CERS6: variants seen among roughly 807,000 people sequenced by gnomAD.
CERS6 encodes the protein LAG1 homolog, ceramide synthase 6.
In CERS6, 26 loss-of-function variants were observed where a neutral mutation model predicts 56.8. That is an observed-to-expected ratio of 0.46 (90% CI 0.34 to 0.63). CERS6 has a LOEUF of 0.63. Among genes scored for constraint, CERS6 ranks in the 30% least tolerant of loss-of-function variants. The pLI, the probability that CERS6 is intolerant of heterozygous loss-of-function variation, is 0.01. For missense variants in CERS6, 415 were observed against 467.5 expected (o/e 0.89, Z 1.04); for synonymous variants, 164 against 173.3 (o/e 0.95, Z 0.42).
intron 8 of CERS6, among the ~76,000 whole-genome samples, chr2:168,750,888 G>C (rs550505924): frequency 6.6e-6 from 1 of 152,284 alleles, no homozygotes; most frequent in African/African-American, 2.4e-5. Flanking sequence ...TAAGTTCTTT[G>C]AGGTTCACTA....
intron 8 of CERS6, among the ~76,000 whole-genome samples, chr2:168,763,866 G>A (rs897821959): frequency 6.6e-6 from 1 of 152,156 alleles, no homozygotes; most frequent in Non-Finnish European, 1.5e-5. Context: ...CAGAGAGTAA[G>A]AATGATTCCA....
rs781591758 is a variant in CERS6 at position 168,715,064 on chromosome 2, A to G, written c.673A>G (p.Asn225Asp). The G allele has an allele frequency of 2.5e-6, 4 of 1,612,548 alleles. No homozygotes were observed. Among genetic ancestry groups the G allele is most frequent in the Non-Finnish European group, 3.4e-6 (4 of 1,179,216 alleles). Residue 225 changes from asparagine (N) to aspartate (D), a missense_variant, in exon 7 of 10, where the codon AAC becomes GAC. Physicochemically the swap from Asn to Asp is conservative, Grantham distance 23. Transcript: ENST00000305747. ...SIFLITFSYV[N>D]NMARVGTLVL... ...TTTCTTGATTACCTTTTCATATGTC[A>G]ACAATATGGCCCGAGTAGGAACGCT...
intron 3 of CERS6, among the ~76,000 whole-genome samples, chr2:168,622,486 A>G (rs901673216): frequency 2.6e-5 from 4 of 152,198 alleles, no homozygotes; most frequent in African/African-American, 9.7e-5. Context: ...GTGTGTTTAT[A>G]TATATGCATA....
chr2:168,656,431 G>A (rs940029235), intron 4 of CERS6, among the ~76,000 whole-genome samples: 8 of 152,030 alleles, frequency 5.3e-5, no homozygotes, highest in East Asian at 1.9e-4. Flanking sequence ...AAGGTGGCGC[G>A]TCTGGAGTCT....
In CERS6 at chr2:168,765,642, C is replaced by T. The variant is rs781023294; in HGVS notation, c.896C>T (p.Pro299Leu). The T allele has an allele frequency of 1.2e-6, 2 of 1,614,124 alleles. No individual in the cohort carries two copies. Among genetic ancestry groups the T allele is most frequent in the Admixed American group, 1.7e-5 (1 of 60,020 alleles). The change falls in exon 9 of 10, where the codon CCT becomes CTT. Residue 299 changes from proline (P) to leucine (L), a missense_variant. Coordinates refer to ENST00000305747, the MANE Select transcript of CERS6 (RefSeq NM_203463.3). ...FESWEIVGPY[P>L]SWWVFNLLLL... ...AGCTGGGAGATCGTTGGACCTTACCCTTCCTGGTGGGTTTTTAACCTACTG... is the reference window on the plus strand; with the variant it reads ...AGCTGGGAGATCGTTGGACCTTACCTTTCCTGGTGGGTTTTTAACCTACTG...
chr2:168,601,537 G>T (rs1361873460), intron 3 of CERS6, among the ~76,000 whole-genome samples: 2 of 151,660 alleles, frequency 1.3e-5, no homozygotes, highest in African/African-American at 4.8e-5. Context: ...TCAGGTGGAC[G>T]CCAGTTTCTT....
intron 1 of CERS6, among the ~76,000 whole-genome samples, chr2:168,535,582 T>C (rs1329135457): frequency 6.6e-6 from 1 of 151,894 alleles, no homozygotes; most frequent in African/African-American, 2.4e-5. Flanking sequence ...ATTCACACGC[T>C]TACTATGGTT....
chr2:168,635,080 A>G (rs1158127086), intron 4 of CERS6, among the ~76,000 whole-genome samples: 1 of 152,176 alleles, frequency 6.6e-6, no homozygotes, highest in Non-Finnish European at 1.5e-5. Context: ...TAAGCTCCTT[A>G]TGTTGTTGTG....
At position 168,771,970 on chromosome 2, in the gene CERS6, T is replaced by A. The variant is rs1172699502; in HGVS notation, c.*2308T>A. The A allele has an allele frequency of 6.6e-6, 1 of 152,208 alleles. No individual in the cohort carries two copies. The highest frequency in any genetic ancestry group is 1.5e-5 in the Non-Finnish European group (1 of 68,036). 9.4% of individuals were successfully genotyped at this position (152,208 alleles called of 1,614,324 possible). A position where few individuals can be genotyped will look rare whatever the true frequency, so the allele number is the denominator to read the frequency against. On this transcript the variant is annotated 3_prime_UTR_variant, in exon 10 of 10. Transcript: ENST00000305747. ...GTCGTCTATGTTATCCAGAGATTTT[T>A]ATTTCATTTTACATTTTAGGGCACA... is the stretch of plus-strand genomic sequence containing the variant.
intron 8 of CERS6, among the ~76,000 whole-genome samples, chr2:168,750,895 A>G (rs1684247874): frequency 6.6e-6 from 1 of 152,216 alleles, no homozygotes; most frequent in African/African-American, 2.4e-5. Context: ...TTTGAGGTTC[A>G]CTATTATGTA....
At chr2:168,726,676 A>G (rs1683363967) in intron 8 of CERS6, among the ~76,000 whole-genome samples, 1 of 152,224 alleles carries the variant, frequency 6.6e-6, no homozygotes, top group Non-Finnish European at 1.5e-5. Context: ...ACCTTACCAA[A>G]AATGTTAAGG....
intron 1 of CERS6, among the ~76,000 whole-genome samples, chr2:168,520,991 G>A (rs1253421086): frequency 6.6e-6 from 1 of 151,998 alleles, no homozygotes; most frequent in Non-Finnish European, 1.5e-5. Context: ...AATATTATTT[G>A]TTTGCTTTTG....
intron 3 of CERS6, among the ~76,000 whole-genome samples, chr2:168,565,263 A>T (rs924515842): frequency 2.0e-5 from 3 of 152,332 alleles, no homozygotes; most frequent in African/African-American, 7.2e-5. Context: ...TTAACTAAGG[A>T]TGCATTTCGC....
Position 168,774,559 on chromosome 2 carries a change from C to T in CERS6, c.*4897C>T, listed in dbSNP as rs1265883555. The T allele has an allele frequency of 6.6e-6, 1 of 151,858 alleles. No individual in the cohort carries two copies. The highest frequency in any genetic ancestry group is 1.5e-5 in the Non-Finnish European group (1 of 67,998). 9.4% of individuals were successfully genotyped at this position (151,858 alleles called of 1,614,324 possible). A position where few individuals can be genotyped will look rare whatever the true frequency, so the allele number is the denominator to read the frequency against. ...CTGTGTTCAGTGAAAAATTCTATTT[C>T]ATTGAGACAATTTTTTCTTTATCCA... On this transcript the variant is annotated 3_prime_UTR_variant, in exon 10 of 10. Transcript: ENST00000305747.
intron 3 of CERS6, among the ~76,000 whole-genome samples, chr2:168,619,833 A>G (rs1270732439): frequency 6.6e-6 from 1 of 151,864 alleles, no homozygotes; most frequent in Non-Finnish European, 1.5e-5. Context: ...ATTACTGGGT[A>G]TCTACCCAAG....
intron 4 of CERS6, among the ~76,000 whole-genome samples, chr2:168,674,651 A>G (rs1686008254): frequency 1.3e-5 from 2 of 152,220 alleles, no homozygotes; most frequent in African/African-American, 4.8e-5. Flanking sequence ...TAGCAAAGAA[A>G]CTTAGCGGCA....
At chr2:168,484,449 G>C (rs960790607) in intron 1 of CERS6, among the ~76,000 whole-genome samples, 1 of 151,402 alleles carries the variant, frequency 6.6e-6, no homozygotes, top group Non-Finnish European at 1.5e-5. Context: ...CCAAAGTGTT[G>C]GGATTACAGG....
At chr2:168,588,012 G>A (rs140616998) in intron 3 of CERS6, among the ~76,000 whole-genome samples, 30 of 151,650 alleles carry the variant, frequency 2.0e-4, no homozygotes, top group Admixed American at 6.6e-5. Context: ...CTGCAGCCTC[G>A]ACCTTCTGGG....
intron 3 of CERS6, among the ~76,000 whole-genome samples, chr2:168,569,929 T>C (rs1695954148): frequency 6.6e-6 from 1 of 152,160 alleles, no homozygotes; most frequent in South Asian, 2.1e-4. Context: ...GCCCATGGTA[T>C]GGGGGTAGTG....
Sources: allele counts gnomAD v4.1 joint callset (sites outside exome capture counted in the v4.1 genomes callset), GRCh38; gene constraint gnomAD v4.1.1; transcripts MANE v1.5; gene names NCBI Gene and HGNC (gene_info 2026-07-23, HGNC 2026-07-21).